PXK: variants seen among roughly 807,000 people sequenced by gnomAD.
PXK encodes the protein PX domain containing serine/threonine kinase like, also known as PX domain-containing protein kinase-like protein.
PXK carries 35 observed loss-of-function variants against 84.7 expected under a neutral mutation model. The ratio of observed to expected loss-of-function variants is 0.41; its 90% CI spans 0.32 to 0.55. The LOEUF (loss-of-function observed/expected upper bound fraction) is 0.55, where lower values mean the gene tolerates loss of function less well. Ranked by LOEUF, PXK falls within the 20% of genes least tolerant of loss-of-function variation. PXK has a pLI of 0.21. For synonymous variants in PXK, 253 were observed against 260.8 expected, an observed-to-expected ratio of 0.97 and a Z score of 0.29; for missense variants, 634 against 699.7, an observed-to-expected ratio of 0.91 and a Z score of 1.06.
At chr3:58,395,157 T>C in intron 8 of PXK, 55 bp downstream of exon 8, 1 of 1,290,486 alleles carries the variant, frequency 7.7e-7, no homozygotes, top group Non-Finnish European at 1.1e-6. Flanking sequence ...TAGAACCTGT[T>C]ATTGATACTT....
intron 3 of PXK, among the ~76,000 whole-genome samples, chr3:58,371,592 C>T (rs2098371946): frequency 6.6e-6 from 1 of 152,112 alleles, no homozygotes; most frequent in Non-Finnish European, 1.5e-5. Context: ...CTAGACTTAG[C>T]CTCTAAGAAT....
Position 58,332,960 on chromosome 3 carries a change from C to A in PXK, c.-29C>A. The A allele has an allele frequency of 7.5e-7, 1 of 1,332,730 alleles. No homozygotes were observed. The highest frequency in any genetic ancestry group is 9.8e-7 in the Non-Finnish European group (1 of 1,025,156). The allele number at this position is 1,332,730 out of a possible 1,614,324, so 82.6% of individuals were successfully genotyped here. A position where few individuals can be genotyped will look rare whatever the true frequency, so the allele number is the denominator to read the frequency against. On this transcript the variant is annotated 5_prime_UTR_variant, in exon 1 of 18. Coordinates refer to ENST00000356151, the MANE Select transcript of PXK (RefSeq NM_017771.5). The surrounding 1 kb of genome is among the most constrained non-coding windows in gnomAD (Gnocchi z 5.6). ...GCGCCTCGGGTTCCTACCTCGCGTCCCTAGGCGGCGGCGGCCGGGCGTCCC... is the reference window on the plus strand; with the variant it reads ...GCGCCTCGGGTTCCTACCTCGCGTCACTAGGCGGCGGCGGCCGGGCGTCCC...
At position 58,373,285 on chromosome 3, in the gene PXK, A is replaced by G. The variant is rs147313896; in HGVS notation, c.201+3807A>G. ...AGTAGAGATGGGATTTCACTGTGTT[A>G]GCCAGGATGGTGATCTCCTGACCTC... is the stretch of plus-strand genomic sequence containing the variant. On this transcript the variant is annotated intron_variant, in intron 3 of 17. Transcript: ENST00000356151. Among the ~76,000 whole-genome samples, 80 of 136,320 alleles carry G rather than the reference A, an allele frequency of 5.9e-4. 1 individual carries two copies. Among genetic ancestry groups the G allele is most frequent in the African/African-American group, 1.7e-3 (67 of 39,378 alleles). The allele number at this position is 136,320 out of a possible 152,430, so 89.4% of individuals were successfully genotyped here. A position where few individuals can be genotyped will look rare whatever the true frequency, so the allele number is the denominator to read the frequency against.
Position 58,333,030 on chromosome 3 carries a change from G to T in PXK, c.42G>T (p.Leu14=). ...AGCCGCCAGCCGGCAAGGTGCTGCT[G>T]GACGACACGGTGCCGCTGACAGCAG... ...MEKPPAGKVL[L]DDTVPLTAAI... Residue 14 remains leucine, a synonymous_variant, in exon 1 of 18, where the codon CTG becomes CTT. Transcript: ENST00000356151. This position sits in a 1 kb window ranked among gnomAD's most constrained non-coding sequence, Gnocchi z 5.4. The T allele has an allele frequency of 7.3e-7, 1 of 1,364,164 alleles. No homozygotes were observed. Among genetic ancestry groups the T allele is most frequent in the East Asian group, 3.6e-5 (1 of 28,000 alleles). 84.5% of individuals were successfully genotyped at this position (1,364,164 alleles called of 1,614,324 possible).
chr3:58,423,216 C>T (rs980995969), intron 17 of PXK: 1 of 983,768 alleles, frequency 1.0e-6, no homozygotes, highest in Non-Finnish European at 1.2e-6. Context: ...TTTCCCACTT[C>T]AACAGTTACT....
chr3:58,423,818 A>G (rs1221399040), intron 17 of PXK, among the ~76,000 whole-genome samples: 1 of 152,164 alleles, frequency 6.6e-6, no homozygotes, highest in African/African-American at 2.4e-5. Context: ...TCGGGTGTTT[A>G]TTCTGTCCTG....
At position 58,416,330 on chromosome 3, in the gene PXK, C is replaced by T. The variant is rs2060950028; in HGVS notation, c.1528+3367C>T. Among the ~76,000 whole-genome samples, 1 of 152,168 alleles carries T rather than the reference C, an allele frequency of 6.6e-6. No homozygotes were observed. The highest frequency in any genetic ancestry group is 1.5e-5 in the Non-Finnish European group (1 of 68,020). ...GGCTAGCTGGATGCCTGGAATTTTT[C>T]TTAAAGGAACATTTGGATTTTCCCT... On this transcript the variant is annotated intron_variant, in intron 17 of 17. Transcript: ENST00000356151. This position sits in a 1 kb window ranked among gnomAD's most constrained non-coding sequence, Gnocchi z 4.8.
At chr3:58,380,614 C>T (rs2098489200) in intron 3 of PXK, among the ~76,000 whole-genome samples, 1 of 151,664 alleles carries the variant, frequency 6.6e-6, no homozygotes, top group Admixed American at 6.6e-5. Context: ...AGTTCGAGAC[C>T]AGCCTGGCCA....
At chr3:58,367,942 C>T (rs750013464) in intron 2 of PXK, among the ~76,000 whole-genome samples, 2 of 152,226 alleles carry the variant, frequency 1.3e-5, no homozygotes, top group Non-Finnish European at 2.9e-5. Flanking sequence ...GCCTTAGCCT[C>T]CCAAAGTGCT....
In PXK at chr3:58,364,566, G is replaced by A. The variant is rs986756604; in HGVS notation, c.103-1308G>A. Among the ~76,000 whole-genome samples, 12 of 152,122 alleles carry A rather than the reference G, an allele frequency of 7.9e-5. No homozygotes were observed. The highest frequency in any genetic ancestry group is 2.9e-4 in the African/African-American group (12 of 41,418). ...ATCTCCGCTAAAAACACAAAAATTA[G>A]CCGGGAACAGTGGCAGGCACCTGTA... is the stretch of plus-strand genomic sequence containing the variant. On this transcript the variant is annotated intron_variant, in intron 1 of 17. Transcript: ENST00000356151. The surrounding 1 kb of genome is among the most constrained non-coding windows in gnomAD (Gnocchi z 4.3).
intron 3 of PXK, among the ~76,000 whole-genome samples, chr3:58,381,429 C>T (rs2098501470): frequency 6.6e-6 from 1 of 151,642 alleles, no homozygotes; most frequent in African/African-American, 2.4e-5. Flanking sequence ...TAGGGACCGC[C>T]AGTCCTGCTT....
chr3:58,359,599 GTGA>G (rs954094512), intron 1 of PXK, among the ~76,000 whole-genome samples: 6 of 151,486 alleles, frequency 4.0e-5, no homozygotes, highest in Non-Finnish European at 8.8e-5. Context: ...AGTGATTTTT[GTGA>G]TTTAACATTT....
chr3:58,405,699 A>G (rs1268217008), intron 13 of PXK, among the ~76,000 whole-genome samples: 16 of 151,368 alleles, frequency 1.1e-4, no homozygotes, highest in Admixed American at 1.1e-3. Context: ...AAAAGGAGAA[A>G]TGATGGAGGC....
chr3:58,398,628 G>A lies in PXK; in HGVS notation c.1103-671G>A, dbSNP rs374541186. On this transcript the variant is annotated intron_variant, in intron 11 of 17. Coordinates refer to ENST00000356151, the MANE Select transcript of PXK (RefSeq NM_017771.5). The surrounding 1 kb of genome is among the most constrained non-coding windows in gnomAD (Gnocchi z 4.5). ...GCAGGAACTGGTACAGACTCATCCA[G>A]GACCCTTTCATCCCCTCCACAGCCA... 6.6e-5 allele frequency among the ~76,000 whole-genome samples: 10 copies of A among 152,280 alleles called. No homozygotes were observed. The East Asian group carries it at 7.7e-4, about 12-fold the overall frequency.
intron 3 of PXK, among the ~76,000 whole-genome samples, chr3:58,373,296 T>TCTC (rs61244449): frequency 0.29 from 44,512 of 151,830 alleles, 7,302 homozygotes; most frequent in Middle Eastern, 0.4. Flanking sequence ...GCCAGGATGG[T>TCTC]GATCTCCTGA....
chr3:58,354,447 A>AATTTTTTT (rs1559898591), intron 1 of PXK, among the ~76,000 whole-genome samples: 2 of 141,312 alleles, frequency 1.4e-5, no homozygotes, highest in African/African-American at 5.5e-5. Context: ...GCTGCTTCCT[A>AATTTTTTT]GTTTTTTTTT....
chr3:58,418,189 A>G (rs2061288428), intron 17 of PXK, among the ~76,000 whole-genome samples: 1 of 152,166 alleles, frequency 6.6e-6, no homozygotes, highest in Non-Finnish European at 1.5e-5. Flanking sequence ...CTAAATTGTT[A>G]TTTAAAATAA....
chr3:58,419,820 C>G (rs2061547925), intron 17 of PXK, among the ~76,000 whole-genome samples: 1 of 152,232 alleles, frequency 6.6e-6, no homozygotes, highest in African/African-American at 2.4e-5. Context: ...AAAGCATGAT[C>G]CTTCACATTT....
intron 2 of PXK, among the ~76,000 whole-genome samples, chr3:58,367,279 C>G (rs999717403): frequency 2.6e-5 from 4 of 151,192 alleles, no homozygotes; most frequent in Admixed American, 2.6e-4. Flanking sequence ...GAGTCTTGCT[C>G]TGTCACCCAG....
Sources: allele counts gnomAD v4.1 joint callset (sites outside exome capture counted in the v4.1 genomes callset), GRCh38; gene constraint gnomAD v4.1.1; non-coding constraint Gnocchi (gnomAD v3.1); transcripts MANE v1.5; gene names NCBI Gene and HGNC (gene_info 2026-07-23, HGNC 2026-07-21).